Variants in METTL25 observed in about 807,000 individuals in gnomAD.
METTL25 encodes the protein methyltransferase like 25, also known as probable methyltransferase-like protein 25.
Under a neutral mutation model 71.6 loss-of-function variants are expected in METTL25, and 64 were observed. That is an observed-to-expected ratio of 0.89 (90% CI 0.73 to 1.10). The LOEUF (loss-of-function observed/expected upper bound fraction) is 1.10, where lower values mean the gene tolerates loss of function less well. Ranked by LOEUF, METTL25 falls within the 50% of genes least tolerant of loss-of-function variation. The pLI, the probability that METTL25 is intolerant of heterozygous loss-of-function variation, is 0.00. For synonymous variants in METTL25, 287 were observed against 250.3 expected (o/e 1.15, Z -1.38); for missense variants, 807 against 707.0 (o/e 1.14, Z -1.60).
Position 82,378,776 on chromosome 12 carries a change from C to T in METTL25, c.260-8027C>T, listed in dbSNP as rs573734112. On this transcript the variant is annotated intron_variant, in intron 1 of 11. Coordinates refer to ENST00000248306, the MANE Select transcript of METTL25 (RefSeq NM_032230.3). The stretch of plus-strand genomic sequence containing the variant: ...GTGCAATAGCTCACACTTATGATCC[C>T]GGCATTTGGGAAGGGCTGAGGTGGG... Among the ~76,000 whole-genome samples, 16 of 152,178 alleles carry T rather than the reference C, an allele frequency of 1.1e-4. No homozygotes were observed. The South Asian group carries it at 2.5e-3, about 24-fold the overall frequency.
chr12:82,419,778 G>T (rs190336052), intron 5 of METTL25, among the ~76,000 whole-genome samples: 2 of 151,540 alleles, frequency 1.3e-5, no homozygotes, highest in East Asian at 3.9e-4. Context: ...GTAAATTGGT[G>T]CAGTCGCTAT....
chr12:82,377,113 CA>C (rs796248923), intron 1 of METTL25, among the ~76,000 whole-genome samples: 72 of 138,160 alleles, frequency 5.2e-4, no homozygotes, highest in Middle Eastern at 3.7e-3. Flanking sequence ...GACTCTGTCT[CA>C]AAAAAAAAAA....
At chr12:82,441,769 T>C (rs1317553558) in intron 8 of METTL25, among the ~76,000 whole-genome samples, 1 of 143,048 alleles carries the variant, frequency 7.0e-6, no homozygotes, top group African/African-American at 2.6e-5. Context: ...CTTTTATGCA[T>C]TACTGCCATA....
At chr12:82,360,826 A>G (rs1736642138) in intron 1 of METTL25, among the ~76,000 whole-genome samples, 1 of 152,124 alleles carries the variant, frequency 6.6e-6, no homozygotes, top group South Asian at 2.1e-4. Flanking sequence ...TGAGTATTAT[A>G]GTTCTTAAAG....
At chr12:82,478,467 A>G (rs1330759082) in intron 11 of METTL25, among the ~76,000 whole-genome samples, 2 of 151,778 alleles carry the variant, frequency 1.3e-5, no homozygotes, top group African/African-American at 2.4e-5. Context: ...GATTTTTAGT[A>G]TATTTAAGGA....
intron 8 of METTL25, chr12:82,439,761 C>A: frequency 4.6e-6 from 2 of 436,786 alleles, no homozygotes; most frequent in South Asian, 9.7e-5. Context: ...TTATATTTAC[C>A]CTAAGATGCT....
At chr12:82,462,999 T>C (rs1252287812) in intron 9 of METTL25, among the ~76,000 whole-genome samples, 2 of 152,136 alleles carry the variant, frequency 1.3e-5, no homozygotes, top group East Asian at 3.8e-4. Context: ...TGTTGCAATA[T>C]ATATTATGTA....
chr12:82,419,873 AGGAATTGAAATC>A (rs1356421416), intron 5 of METTL25, among the ~76,000 whole-genome samples: 3 of 152,178 alleles, frequency 2.0e-5, no homozygotes, highest in Non-Finnish European at 4.4e-5. Flanking sequence ...ATGTATCTAA[AGGAATTGAAATC>A]GGATCTCGAA....
intron 9 of METTL25, among the ~76,000 whole-genome samples, chr12:82,473,355 G>A (rs1392157274): frequency 1.3e-5 from 2 of 152,176 alleles, no homozygotes; most frequent in Non-Finnish European, 2.9e-5. Context: ...TGGAACAGGA[G>A]CGCAAGGCTC....
chr12:82,362,289 T>C (rs1313443900), intron 1 of METTL25, among the ~76,000 whole-genome samples: 2 of 152,214 alleles, frequency 1.3e-5, no homozygotes, highest in East Asian at 3.8e-4. Flanking sequence ...AATTATGGCT[T>C]TCCAGACAGA....
chr12:82,367,426 ACTC>A (rs1353525521), intron 1 of METTL25, among the ~76,000 whole-genome samples: 1 of 151,954 alleles, frequency 6.6e-6, no homozygotes, highest in East Asian at 1.9e-4. Context: ...TATTTTGTTT[ACTC>A]CTCATCACCT....
intron 9 of METTL25, among the ~76,000 whole-genome samples, chr12:82,463,026 G>T (rs1348674421): frequency 6.6e-6 from 1 of 151,946 alleles, no homozygotes; most frequent in Non-Finnish European, 1.5e-5. Flanking sequence ...TTAGACCAGG[G>T]TTATTAGCAT....
At chr12:82,422,409 G>A (rs1156855170) in intron 5 of METTL25, among the ~76,000 whole-genome samples, 5 of 152,090 alleles carry the variant, frequency 3.3e-5, no homozygotes, top group Admixed American at 3.3e-4. Flanking sequence ...AAAATAATGA[G>A]CTATGTATGA....
intron 8 of METTL25, among the ~76,000 whole-genome samples, chr12:82,443,023 T>TA (rs1890468322): frequency 6.7e-6 from 1 of 149,044 alleles, no homozygotes; most frequent in African/African-American, 2.5e-5. Context: ...AAAAAAAAGC[T>TA]AGAGAATAGA....
chr12:82,462,762 A>G (rs371698573), intron 9 of METTL25, among the ~76,000 whole-genome samples: 1 of 152,212 alleles, frequency 6.6e-6, no homozygotes, highest in African/African-American at 2.4e-5. Context: ...GATTGGTTCC[A>G]GGACTCCCAT....
chr12:82,430,923 T>G lies in METTL25; in HGVS notation c.1310T>G (p.Met437Arg), dbSNP rs1889434215. The change falls in exon 6 of 12, where the codon ATG becomes AGG. Residue 437 changes from methionine to arginine, a missense_variant. Coordinates refer to ENST00000248306, the MANE Select transcript of METTL25 (RefSeq NM_032230.3). ...ACTCAGGAAAAGTGGGGATTTCCAA[T>G]GTGCCACTATTTAAAGGAAGAGAGA... ...ERTQEKWGFP[M>R]CHYLKEERWC... The G allele has an allele frequency of 6.2e-7, 1 of 1,601,266 alleles. No individual in the cohort carries two copies.
At chr12:82,407,506 A>G (rs1022665483) in intron 5 of METTL25, among the ~76,000 whole-genome samples, 1 of 152,180 alleles carries the variant, frequency 6.6e-6, no homozygotes, top group African/African-American at 2.4e-5. Flanking sequence ...ATCAAGAATC[A>G]TTGATATGAT....
At chr12:82,395,680 T>C (rs1334959154) in intron 3 of METTL25, among the ~76,000 whole-genome samples, 1 of 152,038 alleles carries the variant, frequency 6.6e-6, no homozygotes, top group African/African-American at 2.4e-5. Context: ...AATGTTTCTG[T>C]GGGAAAGTCT....
At chr12:82,378,248 T>A (rs939675565) in intron 1 of METTL25, among the ~76,000 whole-genome samples, 7 of 152,298 alleles carry the variant, frequency 4.6e-5, no homozygotes, top group African/African-American at 1.7e-4. Flanking sequence ...AATTTAAATT[T>A]AACATTTAGG....
Sources: gnomAD v4.1 joint callset for allele counts (sites outside exome capture counted in the v4.1 genomes callset) on GRCh38, gnomAD v4.1.1 for gene constraint, MANE v1.5 for transcripts, NCBI Gene and HGNC (gene_info 2026-07-23, HGNC 2026-07-21) for gene names.